NOTCH2: variants seen among roughly 807,000 people sequenced by gnomAD.
The protein encoded by NOTCH2 is neurogenic locus notch homolog protein 2.
NOTCH2 carries 29 observed loss-of-function variants against 235.8 expected under a neutral mutation model. The observed-to-expected ratio is 0.12, with a 90% confidence interval of 0.09 to 0.17. NOTCH2 has a LOEUF of 0.17. Among genes scored for constraint, NOTCH2 ranks in the 10% least tolerant of loss-of-function variants. NOTCH2 has a pLI of 1.00. For missense variants in NOTCH2, 2,285 were observed against 3,150.2 expected (o/e 0.73, Z 6.57); for synonymous variants, 1,086 against 1,141.5 (o/e 0.95, Z 0.98).
intron 14 of NOTCH2, 31 bp downstream of exon 14, chr1:119,953,512 C>T: frequency 6.2e-7 from 1 of 1,612,168 alleles, no homozygotes; most frequent in Non-Finnish European, 8.5e-7. Context: ...AGACAAAGAG[C>T]AGACGCAGAA....
At chr1:120,001,789 G>A in intron 3 of NOTCH2, among the ~76,000 whole-genome samples, 1 of 152,160 alleles carries the variant, frequency 6.6e-6, no homozygotes, top group East Asian at 1.9e-4. Context: ...ATTCCACACA[G>A]CATTGCCTCT....
chr1:119,966,574 A>G, intron 8 of NOTCH2, 85 bp from the exon 9 acceptor site: 2 of 907,028 alleles, frequency 2.2e-6, no homozygotes, highest in Non-Finnish European at 1.9e-6. Context: ...AATGATAACT[A>G]CATCCTTTGC....
In NOTCH2 at chr1:119,922,459, A is replaced by G. The variant is rs2101155048; in HGVS notation, c.5003-13T>C. 1 of 1,607,628 alleles carries G rather than the reference A, an allele frequency of 6.2e-7. No homozygotes were observed. The highest frequency in any genetic ancestry group is 8.5e-7 in the Non-Finnish European group (1 of 1,176,464). ...GTCAGGGATTCACCTGAAAGTCCAC[A>G]GAGACAGGGAAAGTGCTGAATAAAA... On this transcript the variant is annotated splice_polypyrimidine_tract_variant and intron_variant, in intron 27 of 33. Coordinates refer to ENST00000256646, the MANE Select transcript of NOTCH2 (RefSeq NM_024408.4).
chr1:119,987,763 C>A (rs1652076246), intron 4 of NOTCH2, among the ~76,000 whole-genome samples: 1 of 152,148 alleles, frequency 6.6e-6, no homozygotes, highest in African/African-American at 2.4e-5. Flanking sequence ...TAAAAGGTAT[C>A]TGAAAATTGG....
At chr1:119,965,732 A>T (rs1213560882) in intron 9 of NOTCH2, among the ~76,000 whole-genome samples, 166 bp from the exon 10 acceptor site, 1 of 152,206 alleles carries the variant, frequency 6.6e-6, no homozygotes, top group African/African-American at 2.4e-5. Flanking sequence ...ACACTCAGGG[A>T]ATCAGAGGCA....
intron 5 of NOTCH2, among the ~76,000 whole-genome samples, chr1:119,985,715 T>C (rs1553202154): frequency 6.6e-6 from 1 of 152,164 alleles, no homozygotes; most frequent in Non-Finnish European, 1.5e-5. Context: ...TTACTATATG[T>C]CATGTAATTA....
At chr1:119,966,315 T>TAGGGA (rs1553199645) in intron 9 of NOTCH2, 61 bp downstream of exon 9, 34 of 1,091,290 alleles carry the variant, frequency 3.1e-5, no homozygotes, top group Non-Finnish European at 4.6e-5. Context: ...CCTGCTCTCT[T>TAGGGA]CCCTGTGGTC....
chr1:120,006,413 C>T (rs868946221), intron 2 of NOTCH2, among the ~76,000 whole-genome samples: 60 of 149,732 alleles, frequency 4.0e-4, no homozygotes, highest in Middle Eastern at 3.4e-3. Context: ...CACTGAGGAA[C>T]CTTTTTACAT....
intron 1 of NOTCH2, among the ~76,000 whole-genome samples, chr1:120,045,942 T>A (rs1265400940): frequency 3.2e-4 from 48 of 152,280 alleles, no homozygotes; most frequent in Non-Finnish European, 2.4e-4. Flanking sequence ...CATCTCCATA[T>A]TTATGGGCTA....
intron 6 of NOTCH2, among the ~76,000 whole-genome samples, 174 bp from the exon 7 acceptor site, chr1:119,968,406 C>G: frequency 6.6e-6 from 1 of 152,130 alleles, no homozygotes; most frequent in Admixed American, 6.5e-5. Context: ...GCTTGGCCAC[C>G]AGCAAAGCAC....
At position 119,916,211 on chromosome 1, in the gene NOTCH2, T is replaced by C. The variant is rs1265466830; in HGVS notation, c.6511A>G (p.Thr2171Ala). Reference sequence around the variant, plus strand: ...GAGGCCTGTAAGATCCCAGGGGATGTAATCATTGGAGAGGATGTGGTGTCG... The same window carrying C: ...GAGGCCTGTAAGATCCCAGGGGATGCAATCATTGGAGAGGATGTGGTGTCG... The part of the protein sequence containing the change: ...VSDTTSSPMI[T>A]SPGILQASPN... Residue 2171 changes from threonine (T) to alanine (A), a missense_variant, in exon 34 of 34, where the codon ACA (threonine) becomes GCA (alanine). Physicochemically the swap from Thr to Ala is moderately conservative, Grantham distance 58. Coordinates refer to ENST00000256646, the MANE Select transcript of NOTCH2 (RefSeq NM_024408.4). 6.2e-7 allele frequency: 1 copy of C among 1,614,094 alleles called. No individual in the cohort carries two copies. Among genetic ancestry groups the C allele is most frequent in the Admixed American group, 1.7e-5 (1 of 60,006 alleles).
Position 120,005,330 on chromosome 1 carries a change from T to C in NOTCH2, c.414A>G (p.Thr138=), listed in dbSNP as rs782009419. 16 of 1,614,052 alleles carry C rather than the reference T, an allele frequency of 9.9e-6. No homozygotes were observed. The highest frequency in any genetic ancestry group is 2.2e-5 in the South Asian group (2 of 91,082). The change falls in exon 3 of 34, where the codon ACA becomes ACG. Residue 138 remains threonine, a splice_region_variant and synonymous_variant. Transcript: ENST00000256646. The stretch of plus-strand genomic sequence containing the variant: ...ACTGGCTTTGGTCTCATTAGTTACC[T>C]GTAAACCCGACTTGACAGGTGCACT... ...TYECTCQVGF[T]GKECQWTDAC...
intron 2 of NOTCH2, among the ~76,000 whole-genome samples, chr1:120,011,133 C>T (rs1653174655): frequency 1.3e-5 from 2 of 151,996 alleles, no homozygotes; most frequent in Non-Finnish European, 2.9e-5. Flanking sequence ...TAGACAGTGA[C>T]TACTAAGCAG....
rs782485593 is a variant in NOTCH2, at chr1:120,069,362, G to A, written c.45C>T (p.Leu15=). Residue 15 remains leucine (L), a synonymous_variant, in exon 1 of 34, where the codon CTC becomes CTT. Coordinates refer to ENST00000256646, the MANE Select transcript of NOTCH2 (RefSeq NM_024408.4). ...GCGCGGGGGCCGCGCAGCACAGCCAGAGCGCCAGCAGCGCCCACAGCAGAG... is the reference window on the plus strand; with the variant it reads ...GCGCGGGGGCCGCGCAGCACAGCCAAAGCGCCAGCAGCGCCCACAGCAGAG... ...RPALLWALLA[L]WLCCAAPAHA... is the part of the protein sequence containing the mutation. The A allele has an allele frequency of 4.6e-5, 73 of 1,572,302 alleles. 1 individual carries two copies. In the East Asian group the frequency reaches 1.5e-3, roughly 31 times the overall value.
chr1:119,959,869 C>T (rs1387883780), intron 11 of NOTCH2, among the ~76,000 whole-genome samples: 1 of 152,150 alleles, frequency 6.6e-6, no homozygotes, highest in African/African-American at 2.4e-5. Context: ...AGCAAAAACG[C>T]CAGTTTCACT....
At chr1:119,916,785 G>C (rs955176819) in intron 33 of NOTCH2, 91 bp from the exon 34 acceptor site, 7 of 1,300,506 alleles carry the variant, frequency 5.4e-6, no homozygotes, top group Middle Eastern at 1.8e-4. Flanking sequence ...CACCCCCTTA[G>C]ACATGTTTTC....
intron 17 of NOTCH2, among the ~76,000 whole-genome samples, chr1:119,943,781 T>C (rs1650153359): frequency 6.6e-6 from 1 of 151,806 alleles, no homozygotes. Context: ...GTAAGGACAA[T>C]AAAATATGGT....
chr1:119,975,119 A>G (rs2101158227), intron 5 of NOTCH2, among the ~76,000 whole-genome samples: 1 of 152,352 alleles, frequency 6.6e-6, no homozygotes, highest in South Asian at 2.1e-4. Flanking sequence ...GGGGTGTGAG[A>G]TTGCTGCAGA....
rs1417274118 is a variant in NOTCH2 at position 120,040,794 on chromosome 1, T to C, written c.74-10807A>G. Among the ~76,000 whole-genome samples the C allele has an allele frequency of 7.4e-5, 11 of 149,554 alleles. No homozygotes were observed. The East Asian group carries it at 1.9e-3, about 26-fold the overall frequency. Reference sequence around the variant, plus strand: ...GGCTCATGTCTTTAATCCCAGCACTTTGGGAGGCCGAGGTGGGCGGATCAC... The same window carrying C: ...GGCTCATGTCTTTAATCCCAGCACTCTGGGAGGCCGAGGTGGGCGGATCAC... On this transcript the variant is annotated intron_variant, in intron 1 of 33. Coordinates refer to ENST00000256646, the MANE Select transcript of NOTCH2 (RefSeq NM_024408.4).
Sources: allele counts gnomAD v4.1 joint callset (sites outside exome capture counted in the v4.1 genomes callset), GRCh38; gene constraint gnomAD v4.1.1; transcripts MANE v1.5; gene names NCBI Gene and HGNC (gene_info 2026-07-23, HGNC 2026-07-21).